The following CTNNA2 variants were observed in gnomAD, a reference collection of about 807,000 sequenced individuals.
The protein encoded by CTNNA2 is catenin alpha-2.
CTNNA2 carries 42 observed loss-of-function variants against 101.0 expected under a neutral mutation model. The observed-to-expected ratio is 0.42, with a 90% confidence interval of 0.32 to 0.54. The LOEUF (loss-of-function observed/expected upper bound fraction) is 0.54, where lower values mean the gene tolerates loss of function less well. CTNNA2 is among the 20% of genes least tolerant of loss of function. The pLI is 0.14. For synonymous variants in CTNNA2, 450 were observed against 456.4 expected, an observed-to-expected ratio of 0.99 and a Z score of 0.18; for missense variants, 871 against 1,223.1, an observed-to-expected ratio of 0.71 and a Z score of 4.29.
rs924757895 is a variant in CTNNA2, at chr2:79,962,449, C to T, written c.1056+52652C>T. Reference sequence around the variant, plus strand: ...TTAACATATGAATTTTGGAGGGATACGAACATTCAGACCATAGCAGGTGCA... The same window carrying T: ...TTAACATATGAATTTTGGAGGGATATGAACATTCAGACCATAGCAGGTGCA... On this transcript the variant is annotated intron_variant, in intron 7 of 18. Transcript: ENST00000402739. 2.6e-5 allele frequency among the ~76,000 whole-genome samples: 4 copies of T among 152,322 alleles called. No homozygotes were observed. The South Asian group carries it at 6.2e-4, about 24-fold the overall frequency.
chr2:79,250,610 C>A (rs1197421436), intron 2 of CTNNA2, among the ~76,000 whole-genome samples: 1 of 152,158 alleles, frequency 6.6e-6, no homozygotes, highest in Non-Finnish European at 1.5e-5. Flanking sequence ...TATCTCAAAG[C>A]CCTGTTGAGG....
rs556142999 is a variant in CTNNA2 at position 80,549,006 on chromosome 2, A to G, written c.1540+2943A>G. ...TTGTAGTTTTTTTAATGCTACCCTAACTTCTGTATCTGATATTAAATTTGT... is the reference window on the plus strand; with the variant it reads ...TTGTAGTTTTTTTAATGCTACCCTAGCTTCTGTATCTGATATTAAATTTGT... On this transcript the variant is annotated intron_variant, in intron 11 of 18. Coordinates refer to ENST00000402739, the MANE Select transcript of CTNNA2 (RefSeq NM_001282597.3). 9.9e-5 allele frequency among the ~76,000 whole-genome samples: 15 copies of G among 152,282 alleles called. No homozygotes were observed. In the East Asian group the frequency reaches 1.7e-3, roughly 18 times the overall value.
chr2:80,593,455 G>A (rs557648421), intron 15 of CTNNA2, among the ~76,000 whole-genome samples: 2 of 152,122 alleles, frequency 1.3e-5, no homozygotes, highest in African/African-American at 4.8e-5. Flanking sequence ...GTCCAATACA[G>A]TAGCCACTAG....
At chr2:79,683,193 C>T (rs564477166) in intron 2 of CTNNA2, among the ~76,000 whole-genome samples, 2 of 152,310 alleles carry the variant, frequency 1.3e-5, no homozygotes, top group Admixed American at 1.3e-4. Flanking sequence ...CCTACCCCTA[C>T]ATGCCAGGTA....
At chr2:80,623,468 A>G (rs1012831261) in intron 18 of CTNNA2, among the ~76,000 whole-genome samples, 27 of 151,930 alleles carry the variant, frequency 1.8e-4, no homozygotes, top group African/African-American at 6.5e-4. Context: ...TGAGGTATAT[A>G]AGTATTCCAG....
chr2:79,369,409 C>T (rs1348150426), intron 3 of CTNNA2, among the ~76,000 whole-genome samples: 8 of 152,112 alleles, frequency 5.3e-5, no homozygotes, highest in African/African-American at 1.4e-4. Context: ...GTTTGTGACT[C>T]GCCGGGAGAT....
intron 3 of CTNNA2, among the ~76,000 whole-genome samples, chr2:79,793,298 G>T (rs143301661): frequency 0.015 from 2,259 of 152,308 alleles, 52 homozygotes; most frequent in South Asian, 0.12. Flanking sequence ...AGAAAGCAGT[G>T]TGAGTCTCAA....
chr2:80,640,249 T>C (rs1193373706), intron 18 of CTNNA2, among the ~76,000 whole-genome samples: 1 of 152,164 alleles, frequency 6.6e-6, no homozygotes, highest in Non-Finnish European at 1.5e-5. Context: ...TGGACAACCC[T>C]GTTAAAATGT....
intron 4 of CTNNA2, among the ~76,000 whole-genome samples, chr2:79,391,541 G>T (rs1678172502): frequency 6.6e-6 from 1 of 152,146 alleles, no homozygotes; most frequent in Non-Finnish European, 1.5e-5. Context: ...AAAATTATAT[G>T]TGGACTTTCA....
intron 2 of CTNNA2, among the ~76,000 whole-genome samples, chr2:79,714,565 T>A (rs1190918041): frequency 6.6e-6 from 1 of 152,188 alleles, no homozygotes; most frequent in Non-Finnish European, 1.5e-5. Flanking sequence ...GCATTCCATG[T>A]GTGTCTCAAT....
chr2:80,120,465 A>G (rs906383983), intron 7 of CTNNA2, among the ~76,000 whole-genome samples: 1 of 152,122 alleles, frequency 6.6e-6, no homozygotes, highest in Non-Finnish European at 1.5e-5. Context: ...TTTTCCTTTT[A>G]GGATGGATGA....
At chr2:79,737,993 C>A (rs1671018481) in intron 2 of CTNNA2, among the ~76,000 whole-genome samples, 1 of 152,166 alleles carries the variant, frequency 6.6e-6, no homozygotes, top group Non-Finnish European at 1.5e-5. Context: ...GTCAAGTTGA[C>A]AAATTGTCTT....
chr2:80,149,181 T>C (rs996292242), intron 7 of CTNNA2, among the ~76,000 whole-genome samples: 1 of 152,084 alleles, frequency 6.6e-6, no homozygotes, highest in African/African-American at 2.4e-5. Flanking sequence ...TACAGGTGCA[T>C]GCCAGTGTAT....
intron 3 of CTNNA2, among the ~76,000 whole-genome samples, chr2:79,324,548 A>G (rs1484618633): frequency 6.6e-6 from 1 of 152,186 alleles, no homozygotes; most frequent in Non-Finnish European, 1.5e-5. Flanking sequence ...GGACAGTTAA[A>G]AATAAAAATA....
chr2:80,556,916 G>T (rs1416415249), intron 12 of CTNNA2, among the ~76,000 whole-genome samples: 1 of 152,142 alleles, frequency 6.6e-6, no homozygotes. Flanking sequence ...TTTTAAAATA[G>T]CCATCTCTGA....
At chr2:80,647,475 C>T in intron 18 of CTNNA2, 110 bp from the exon 19 acceptor site, 1 of 969,014 alleles carries the variant, frequency 1.0e-6, no homozygotes, top group East Asian at 2.5e-5. Context: ...TTCAGCAATA[C>T]TATTTATTTG....
At chr2:79,505,309 G>A (rs1194240373) in intron 5 of CTNNA2, 1 of 152,028 alleles carries the variant, frequency 6.6e-6, no homozygotes, top group Non-Finnish European at 1.5e-5. Context: ...TGCATAATCA[G>A]TTCCTTATTT....
At chr2:79,920,046 G>A (rs557984879) in intron 7 of CTNNA2, among the ~76,000 whole-genome samples, 4 of 150,272 alleles carry the variant, frequency 2.7e-5, no homozygotes, top group Non-Finnish European at 5.9e-5. Context: ...GTGAAACCCC[G>A]TCTCTACAAA....
chr2:79,592,527 G>T (rs78655857), intron 1 of CTNNA2, among the ~76,000 whole-genome samples: 3,639 of 152,084 alleles, frequency 0.024, 144 homozygotes, highest in African/African-American at 0.081. Flanking sequence ...GATGTGGGGG[G>T]TGCTTTTTGT....
Sources: gnomAD v4.1 joint callset for allele counts (sites outside exome capture counted in the v4.1 genomes callset) on GRCh38, gnomAD v4.1.1 for gene constraint, MANE v1.5 for transcripts, NCBI Gene and HGNC (gene_info 2026-07-23, HGNC 2026-07-21) for gene names.